Variants in PDGFB observed in about 807,000 individuals in gnomAD.
PDGFB encodes the protein platelet-derived growth factor subunit B.
Under a neutral mutation model 29.0 loss-of-function variants are expected in PDGFB, and 6 were observed. The ratio of observed to expected loss-of-function variants is 0.21; its 90% CI spans 0.11 to 0.41. The LOEUF (loss-of-function observed/expected upper bound fraction) is 0.41, where lower values mean the gene tolerates loss of function less well. Among genes scored for constraint, PDGFB ranks in the 10% least tolerant of loss-of-function variants. The pLI is 1.00. For synonymous variants in PDGFB, 144 were observed against 140.8 expected (o/e 1.02, Z -0.16); for missense variants, 299 against 341.8 (o/e 0.87, Z 0.99).
chr22:39,226,741 G>C (rs1437803400), intron 5 of PDGFB, among the ~76,000 whole-genome samples: 1 of 152,162 alleles, frequency 6.6e-6, no homozygotes, highest in Non-Finnish European at 1.5e-5. Flanking sequence ...GAGGCCACTG[G>C]GCTCTGGGCC....
Position 39,240,921 on chromosome 22 carries a change from G to A in PDGFB, c.63+2980C>T, listed in dbSNP as rs75533266. On this transcript the variant is annotated intron_variant, in intron 1 of 6. Coordinates refer to ENST00000331163, the MANE Select transcript of PDGFB (RefSeq NM_002608.4). ...CTCTCTCTCTCTCTCTCTCAGATGCGCACACACACACACACACACACTCTC... is the reference window on the plus strand; with the variant it reads ...CTCTCTCTCTCTCTCTCTCAGATGCACACACACACACACACACACACTCTC... The A allele has an allele frequency of 3.2e-5, 39 of 1,232,326 alleles. No individual in the cohort carries two copies. In the African/African-American group the frequency reaches 4.8e-4, roughly 15 times the overall value. 76.3% of individuals were successfully genotyped at this position (1,232,326 alleles called of 1,614,324 possible).
intron 1 of PDGFB, among the ~76,000 whole-genome samples, chr22:39,239,968 C>G (rs1294799648): frequency 6.6e-6 from 1 of 152,196 alleles, no homozygotes; most frequent in Non-Finnish European, 1.5e-5. Context: ...GCTGATGAGG[C>G]CTCCCAGAGC....
rs546495848 is a variant in PDGFB, at chr22:39,233,686, G to A, written c.161-162C>T. Among the ~76,000 whole-genome samples, 3 of 152,288 alleles carry A rather than the reference G, an allele frequency of 2.0e-5. No individual in the cohort carries two copies. In the South Asian group the frequency reaches 6.2e-4, roughly 32 times the overall value. ...TGCACGGGTCCTGGCCCTGAGCAGG[G>A]ACCCTCCAAGCAGCCCCCAGGACAG... On this transcript the variant is annotated intron_variant, in intron 2 of 6. Transcript: ENST00000331163.
At chr22:39,228,886 C>CA (rs34953400) in intron 5 of PDGFB, among the ~76,000 whole-genome samples, 4,053 of 72,524 alleles carry the variant, frequency 0.056, 186 homozygotes, top group Admixed American at 0.12. Context: ...GAGACTGCCT[C>CA]AAAAAAAATA....
rs1041962162 is a variant in PDGFB at position 39,224,462 on chromosome 22, C to T, written c.*880G>A. ...CCTAGAGAGGAGTGACTGGGATCAT[C>T]TGGGGCCTTAATAAGGGGTTCAAGA... is the stretch of plus-strand genomic sequence containing the variant. On this transcript the variant is annotated 3_prime_UTR_variant, in exon 7 of 7. Coordinates refer to ENST00000331163, the MANE Select transcript of PDGFB (RefSeq NM_002608.4). The T allele has an allele frequency of 6.6e-6, 1 of 152,628 alleles. No homozygotes were observed. Among genetic ancestry groups the T allele is most frequent in the Non-Finnish European group, 1.5e-5 (1 of 68,046 alleles). 9.5% of individuals were successfully genotyped at this position (152,628 alleles called of 1,614,324 possible).
Position 39,231,907 on chromosome 22 carries a change from C to G in PDGFB, c.251-80G>C. On this transcript the variant is annotated intron_variant, in intron 3 of 6. Coordinates refer to ENST00000331163, the MANE Select transcript of PDGFB (RefSeq NM_002608.4). The surrounding 1 kb of genome is among the most constrained non-coding windows in gnomAD (Gnocchi z 4.3). ...CTTGGCAGGGGAGCTCAGCGGGTGC[C>G]TCCGGGACTGCTCTTTCTCACGCCC... The G allele has an allele frequency of 8.3e-7, 1 of 1,207,646 alleles. No individual in the cohort carries two copies. 74.8% of individuals were successfully genotyped at this position (1,207,646 alleles called of 1,614,324 possible). A position where few individuals can be genotyped will look rare whatever the true frequency, so the allele number is the denominator to read the frequency against.
rs1256714196 is a variant in PDGFB, at chr22:39,231,910, C to CG, written c.251-84dup. 151 of 1,158,256 alleles carry CG rather than the reference C, an allele frequency of 1.3e-4. No individual in the cohort carries two copies. The highest frequency in any genetic ancestry group is 1.9e-4 in the Non-Finnish European group (151 of 816,160). The allele number at this position is 1,158,256 out of a possible 1,614,324, so 71.7% of individuals were successfully genotyped here. A position where few individuals can be genotyped will look rare whatever the true frequency, so the allele number is the denominator to read the frequency against. ...GGCAGGGGAGCTCAGCGGGTGCCTC[C>CG]GGGACTGCTCTTTCTCACGCCCTTC... is the stretch of plus-strand genomic sequence containing the variant. On this transcript the variant is annotated intron_variant, in intron 3 of 6. Coordinates refer to ENST00000331163, the MANE Select transcript of PDGFB (RefSeq NM_002608.4). The surrounding 1 kb of genome is among the most constrained non-coding windows in gnomAD (Gnocchi z 4.3).
Position 39,231,489 on chromosome 22 carries a change from C to T in PDGFB, c.456+133G>A, listed in dbSNP as rs1030664134. 8 of 725,070 alleles carry T rather than the reference C, an allele frequency of 1.1e-5. No homozygotes were observed. Among genetic ancestry groups the T allele is most frequent in the Non-Finnish European group, 1.8e-5 (8 of 450,618 alleles). 44.9% of individuals were successfully genotyped at this position (725,070 alleles called of 1,614,324 possible). ...AGAGTGGGCCTCTCTGGACAGAGCC[C>T]AGGAACAAATCAGGAATGTCCTTCG... On this transcript the variant is annotated intron_variant, in intron 4 of 6. Coordinates refer to ENST00000331163, the MANE Select transcript of PDGFB (RefSeq NM_002608.4). The surrounding 1 kb of genome is among the most constrained non-coding windows in gnomAD (Gnocchi z 4.3).
In PDGFB at chr22:39,225,093, G is replaced by T. The variant is rs1199518191; in HGVS notation, c.*249C>A. On this transcript the variant is annotated 3_prime_UTR_variant, in exon 7 of 7. Transcript: ENST00000331163. ...CTTGGAGTTAAGGGAAGAAGATGGC[G>T]ATGGAGTTCAGTCCTTCTTTTTCTT... The T allele has an allele frequency of 6.5e-6, 1 of 152,780 alleles. No individual in the cohort carries two copies. The highest frequency in any genetic ancestry group is 2.1e-4 in the South Asian group (1 of 4,834). The allele number at this position is 152,780 out of a possible 1,614,324, so 9.5% of individuals were successfully genotyped here.
chr22:39,226,612 T>A (rs569529209), intron 5 of PDGFB, among the ~76,000 whole-genome samples: 18 of 152,342 alleles, frequency 1.2e-4, no homozygotes, highest in African/African-American at 4.3e-4. Context: ...AAGCTCCAAG[T>A]ATGAAGTGGT....
chr22:39,236,968 T>C (rs986842626), intron 1 of PDGFB, among the ~76,000 whole-genome samples: 15 of 152,236 alleles, frequency 9.9e-5, no homozygotes, highest in African/African-American at 3.4e-4. Context: ...TGGGTTAAAC[T>C]ATTTTCTGCC....
At chr22:39,240,793 G>A in intron 1 of PDGFB, 1 of 1,575,052 alleles carries the variant, frequency 6.3e-7, no homozygotes, top group Non-Finnish European at 8.7e-7. Context: ...CATAGGAAGA[G>A]TTGTCACAGA....
chr22:39,228,700 C>T (rs1055756359), intron 5 of PDGFB, among the ~76,000 whole-genome samples: 5 of 152,146 alleles, frequency 3.3e-5, no homozygotes. Flanking sequence ...ACCAGCCTGG[C>T]CAACATGGTG....
chr22:39,236,875 A>G (rs1379595144), intron 1 of PDGFB, among the ~76,000 whole-genome samples: 3 of 152,226 alleles, frequency 2.0e-5, no homozygotes, highest in Non-Finnish European at 4.4e-5. Flanking sequence ...ACACACGTGC[A>G]GGCACAGGCA....
At position 39,235,793 on chromosome 22, in the gene PDGFB, G is replaced by T. The variant is rs1224852222; in HGVS notation, c.145C>A (p.His49Asn). The T allele has an allele frequency of 1.2e-6, 2 of 1,612,754 alleles. No homozygotes were observed. The highest frequency in any genetic ancestry group is 1.7e-6 in the Non-Finnish European group (2 of 1,178,908). ...RSFDDLQRLL[H>N]GDPGEEDGAE... ...TTCCATTTACCTCCGGGGTCTCCGTGCAGCAGGCGTTGGAGATCATCAAAG... is the reference window on the plus strand; with the variant it reads ...TTCCATTTACCTCCGGGGTCTCCGTTCAGCAGGCGTTGGAGATCATCAAAG... Residue 49 changes from histidine to asparagine, a missense_variant, in exon 2 of 7, where the codon CAC becomes AAC. Coordinates refer to ENST00000331163, the MANE Select transcript of PDGFB (RefSeq NM_002608.4).
In PDGFB at chr22:39,230,319, C is replaced by A. The variant is rs1021895713; in HGVS notation, c.457-91G>T. ...TGGCTTGCGCTTCCCACCCCGGTGT[C>A]CCCTGCAGCAATCTTTCCTCGAAAG... On this transcript the variant is annotated intron_variant, in intron 4 of 6. Transcript: ENST00000331163. 28 of 1,314,278 alleles carry A rather than the reference C, an allele frequency of 2.1e-5. No individual in the cohort carries two copies. The African/African-American group carries it at 4.1e-4, about 19-fold the overall frequency. The allele number at this position is 1,314,278 out of a possible 1,614,324, so 81.4% of individuals were successfully genotyped here.
At chr22:39,236,848 C>T (rs1932455202) in intron 1 of PDGFB, among the ~76,000 whole-genome samples, 1 of 152,210 alleles carries the variant, frequency 6.6e-6, no homozygotes, top group Admixed American at 6.5e-5. Context: ...TGGAACCGGA[C>T]TTCCACGTGT....
In PDGFB at chr22:39,223,844, T is replaced by C. The variant is rs1333784499; in HGVS notation, c.*1498A>G. 6.6e-6 allele frequency: 1 copy of C among 152,468 alleles called. No homozygotes were observed. Among genetic ancestry groups the C allele is most frequent in the Non-Finnish European group, 1.5e-5 (1 of 68,016 alleles). The allele number at this position is 152,468 out of a possible 1,614,324, so 9.4% of individuals were successfully genotyped here. ...GAAGGCGGGAAGGGGGAAAGTGCAG[T>C]AGGTGGGAAGGGAGGTGGGAGCTCA... On this transcript the variant is annotated 3_prime_UTR_variant, in exon 7 of 7. Coordinates refer to ENST00000331163, the MANE Select transcript of PDGFB (RefSeq NM_002608.4).
intron 2 of PDGFB, 95 bp from the exon 3 acceptor site, chr22:39,233,619 C>T (rs1379100934): frequency 1.3e-6 from 1 of 757,438 alleles, no homozygotes; most frequent in Non-Finnish European, 2.1e-6. Flanking sequence ...GTTTGCCTCT[C>T]CCCCACTCCA....
Sources: gnomAD v4.1 joint callset for allele counts (sites outside exome capture counted in the v4.1 genomes callset) on GRCh38, gnomAD v4.1.1 for gene constraint, Gnocchi (gnomAD v3.1) non-coding constraint, MANE v1.5 for transcripts, NCBI Gene and HGNC (gene_info 2026-07-23, HGNC 2026-07-21) for gene names.